CTNNA3: variants seen among roughly 807,000 people sequenced by gnomAD.
CTNNA3 encodes catenin alpha 3.
In CTNNA3, 76 loss-of-function variants were observed where a neutral mutation model predicts 95.7. The observed-to-expected ratio is 0.79, with a 90% CI of 0.66 to 0.96. The LOEUF is 0.96. CTNNA3 is among the 40% of genes least tolerant of loss of function. The pLI is 0.00. For missense variants in CTNNA3, 1,191 were observed against 1,089.8 expected, an observed-to-expected ratio of 1.09 and a Z score of -1.31; for synonymous variants, 431 against 374.4, an observed-to-expected ratio of 1.15 and a Z score of -1.74.
At chr10:66,019,509 T>C (rs1398786412) in intron 15 of CTNNA3, among the ~76,000 whole-genome samples, 1 of 152,166 alleles carries the variant, frequency 6.6e-6, no homozygotes, top group Non-Finnish European at 1.5e-5. Context: ...CTTTTGCCTA[T>C]ATTTGTATAA....
At chr10:66,704,056 C>T (rs1046225763) in intron 9 of CTNNA3, among the ~76,000 whole-genome samples, 6 of 152,258 alleles carry the variant, frequency 3.9e-5, no homozygotes, top group South Asian at 2.1e-4. Context: ...TCTCCCGATT[C>T]GTATTCCATT....
intron 7 of CTNNA3, among the ~76,000 whole-genome samples, chr10:66,807,514 A>C (rs1841703673): frequency 6.6e-6 from 1 of 152,104 alleles, no homozygotes; most frequent in African/African-American, 2.4e-5. Flanking sequence ...TGTTGCAAGT[A>C]ATAAAATATC....
intron 5 of CTNNA3, among the ~76,000 whole-genome samples, chr10:67,415,564 C>G (rs1452548889): frequency 6.6e-6 from 1 of 152,140 alleles, no homozygotes; most frequent in Non-Finnish European, 1.5e-5. Context: ...GTTAAAATGA[C>G]CATACTGCCT....
intron 10 of CTNNA3, among the ~76,000 whole-genome samples, chr10:66,567,670 C>T (rs1241450146): frequency 1.3e-5 from 2 of 151,990 alleles, no homozygotes; most frequent in African/African-American, 2.4e-5. Flanking sequence ...ATTTCATTTC[C>T]CTTAACAGCG....
intron 15 of CTNNA3, among the ~76,000 whole-genome samples, chr10:66,001,023 G>C (rs1021849943): frequency 1.3e-5 from 2 of 152,116 alleles, no homozygotes; most frequent in African/African-American, 4.8e-5. Flanking sequence ...TTGAAGACCA[G>C]GGTTAAATAT....
chr10:66,799,623 T>C (rs774275568), intron 7 of CTNNA3, among the ~76,000 whole-genome samples: 1 of 151,426 alleles, frequency 6.6e-6, no homozygotes, highest in Non-Finnish European at 1.5e-5. Flanking sequence ...TGGGACACGG[T>C]CAAAACATTT....
chr10:66,430,758 T>C (rs904185217), intron 11 of CTNNA3, among the ~76,000 whole-genome samples: 1 of 152,170 alleles, frequency 6.6e-6, no homozygotes, highest in Non-Finnish European at 1.5e-5. Context: ...TAATTCAAGA[T>C]GGATTAAGGA....
intron 5 of CTNNA3, among the ~76,000 whole-genome samples, chr10:67,442,607 A>G (rs1846563652): frequency 1.3e-5 from 2 of 152,094 alleles, no homozygotes; most frequent in Admixed American, 1.3e-4. Context: ...AAACTGTACA[A>G]AGAGACAAAA....
chr10:67,166,634 C>A (rs1004756205), intron 7 of CTNNA3, among the ~76,000 whole-genome samples: 1 of 152,138 alleles, frequency 6.6e-6, no homozygotes, highest in African/African-American at 2.4e-5. Context: ...ACCATTATGG[C>A]TAAGGAGACA....
At chr10:66,071,151 T>G (rs1462317585) in intron 14 of CTNNA3, among the ~76,000 whole-genome samples, 1 of 152,148 alleles carries the variant, frequency 6.6e-6, no homozygotes. Context: ...AATTCTTTAT[T>G]GAATTATTTT....
intron 17 of CTNNA3, among the ~76,000 whole-genome samples, chr10:65,937,717 T>C (rs1387805936): frequency 6.6e-6 from 1 of 152,170 alleles, no homozygotes; most frequent in African/African-American, 2.4e-5. Flanking sequence ...GGAAAATGAA[T>C]ATAAAACAAA....
upstream of CTNNA3, among the ~76,000 whole-genome samples, chr10:67,697,876 A>G (rs1391402232): frequency 6.6e-6 from 1 of 152,194 alleles, no homozygotes; most frequent in Non-Finnish European, 1.5e-5. Context: ...TGTTGATCAC[A>G]GGCCCCATGG....
intron 7 of CTNNA3, among the ~76,000 whole-genome samples, chr10:66,849,097 C>T (rs1223893811): frequency 1.3e-5 from 2 of 152,188 alleles, no homozygotes; most frequent in African/African-American, 4.8e-5. Flanking sequence ...TAGCATTACA[C>T]ATTTACATAC....
chr10:66,132,658 T>A (rs981936969), intron 13 of CTNNA3, among the ~76,000 whole-genome samples: 4 of 152,288 alleles, frequency 2.6e-5, no homozygotes, highest in African/African-American at 7.2e-5. Context: ...TAAATGCTCA[T>A]CAATGACAGA....
rs1840330067 is a variant in CTNNA3 at position 67,666,306 on chromosome 10, G to T, written c.-5-18788C>A. Among the ~76,000 whole-genome samples the T allele has an allele frequency of 2.0e-5, 3 of 152,070 alleles. 1 individual carries two copies. The South Asian group carries it at 6.2e-4, about 32-fold the overall frequency. On this transcript the variant is annotated intron_variant, in intron 1 of 17. Transcript: ENST00000433211. ...TAATTTAAATATCTTGAATTAATCT[G>T]AATTGTTATTGAGGATAGGGGCCAG... is the stretch of plus-strand genomic sequence containing the variant.
intron 10 of CTNNA3, among the ~76,000 whole-genome samples, chr10:66,559,205 G>C (rs925121324): frequency 2.0e-5 from 3 of 151,884 alleles, no homozygotes; most frequent in African/African-American, 7.3e-5. Context: ...CAGCCAATCA[G>C]ACCCTTCTCC....
intron 7 of CTNNA3, among the ~76,000 whole-genome samples, chr10:66,917,253 TA>T (rs1196264483): frequency 2.0e-5 from 3 of 152,184 alleles, no homozygotes; most frequent in Non-Finnish European, 4.4e-5. Flanking sequence ...CGGGACTAAG[TA>T]AATTTTTGCT....
At chr10:67,002,098 T>C (rs1851721172) in intron 7 of CTNNA3, among the ~76,000 whole-genome samples, 1 of 152,204 alleles carries the variant, frequency 6.6e-6, no homozygotes. Context: ...CCTAAAAAAA[T>C]GAGATCGTTG....
rs556399965 is a variant in CTNNA3, at chr10:66,662,580, T to C, written c.1282-40796A>G. Among the ~76,000 whole-genome samples the C allele has an allele frequency of 1.4e-4, 21 of 152,284 alleles. No homozygotes were observed. The East Asian group carries it at 4.1e-3, about 29-fold the overall frequency. On this transcript the variant is annotated intron_variant, in intron 9 of 17. Coordinates refer to ENST00000433211, the MANE Select transcript of CTNNA3 (RefSeq NM_013266.4). ...TATTCACTCTCTCAGTCTATGCCCA[T>C]GGCCTTCCTTCCTCTGTCCTTTCTG...
Sources: allele counts gnomAD v4.1 joint callset (sites outside exome capture counted in the v4.1 genomes callset), GRCh38; gene constraint gnomAD v4.1.1; transcripts MANE v1.5; gene names NCBI Gene and HGNC (gene_info 2026-07-23, HGNC 2026-07-21).